IDH2: variants seen among roughly 807,000 people sequenced by gnomAD.
IDH2 encodes isocitrate dehydrogenase [NADP], mitochondrial.
Under a neutral mutation model 50.5 loss-of-function variants are expected in IDH2, and 18 were observed. The ratio of observed to expected loss-of-function variants is 0.36; its 90% CI spans 0.25 to 0.53. The LOEUF (loss-of-function observed/expected upper bound fraction) is 0.53, where lower values mean the gene tolerates loss of function less well. Among genes scored for constraint, IDH2 ranks in the 20% least tolerant of loss-of-function variants. The probability of loss-of-function intolerance (pLI) is 0.92; values close to 1 mark genes in which losing one functional copy is unlikely to be tolerated. For missense variants in IDH2, 518 were observed against 610.7 expected (o/e 0.85, Z 1.60); for synonymous variants, 280 against 239.8 (o/e 1.17, Z -1.55).
chr15:90,088,977 C>T (rs545276751), intron 3 of IDH2, among the ~76,000 whole-genome samples: 7 of 143,776 alleles, frequency 4.9e-5, no homozygotes, highest in South Asian at 2.2e-4. Flanking sequence ...TGCAATGGCG[C>T]GATCTCGGCT....
At position 90,090,656 on chromosome 15, in the gene IDH2, G is replaced by A; in HGVS notation, c.208-12C>T. On this transcript the variant is annotated splice_polypyrimidine_tract_variant and intron_variant, in intron 2 of 10. Transcript: ENST00000330062. ...TGGGGCAGGATGAGCTGGGGACAGA[G>A]GGCCAGAGCAAGGCGTCACCCCAGT... The A allele has an allele frequency of 6.2e-7, 1 of 1,614,130 alleles. No homozygotes were observed. The highest frequency in any genetic ancestry group is 1.1e-5 in the South Asian group (1 of 91,070).
In IDH2 at chr15:90,087,504, G is replaced by C; in HGVS notation, c.750C>G (p.Thr250=). 6.2e-7 allele frequency: 1 copy of C among 1,614,168 alleles called. No homozygotes were observed. The highest frequency in any genetic ancestry group is 8.5e-7 in the Non-Finnish European group (1 of 1,180,014). The change falls in exon 6 of 11, where the codon ACC becomes ACG. Residue 250 remains threonine (T), a synonymous_variant. Transcript: ENST00000330062. ...IQKKWPLYMS[T]KNTILKAYDG... The stretch of plus-strand genomic sequence containing the variant: ...CGTAGGCTTTCAGTATGGTGTTCTT[G>C]GTGCTCATGTACAGCGGCCATTTCT...
intron 1 of IDH2, among the ~76,000 whole-genome samples, chr15:90,097,066 T>C (rs1278536481): frequency 1.3e-5 from 2 of 152,144 alleles, no homozygotes; most frequent in South Asian, 2.1e-4. Flanking sequence ...CAGCAAAAGA[T>C]AGAAGCAACC....
chr15:90,087,593 G>A lies in IDH2; in HGVS notation c.679-18C>T. 1.2e-6 allele frequency: 2 copies of A among 1,612,506 alleles called. No homozygotes were observed. Among genetic ancestry groups the A allele is most frequent in the Non-Finnish European group, 1.7e-6 (2 of 1,180,000 alleles). ...GAGATGGACTGCAGGGGGAGAGACA[G>A]GGCCCTGGCGTGGTGCCCTAGCCTG... is the stretch of plus-strand genomic sequence containing the variant. On this transcript the variant is annotated intron_variant, in intron 5 of 10. Transcript: ENST00000330062.
intron 1 of IDH2, among the ~76,000 whole-genome samples, chr15:90,097,561 A>G (rs1567259198): frequency 6.6e-6 from 1 of 152,250 alleles, no homozygotes; most frequent in Non-Finnish European, 1.5e-5. Flanking sequence ...AGTGAAATAA[A>G]CCAGTCACAA....
intron 1 of IDH2, among the ~76,000 whole-genome samples, chr15:90,099,935 C>T (rs910083818): frequency 6.6e-6 from 1 of 152,184 alleles, no homozygotes; most frequent in African/African-American, 2.4e-5. Context: ...GAGTATACTA[C>T]TTTTGTCAAA....
intron 3 of IDH2, 137 bp from the exon 4 acceptor site, chr15:90,088,884 G>A (rs1280332537): frequency 1.3e-6 from 1 of 779,038 alleles, no homozygotes; most frequent in Non-Finnish European, 2.2e-6. Flanking sequence ...GAGTGCAAAT[G>A]TGTGGGCTCT....
chr15:90,086,960 A>G, intron 7 of IDH2, 152 bp downstream of exon 7: 1 of 789,480 alleles, frequency 1.3e-6, no homozygotes, highest in Non-Finnish European at 2.2e-6. Context: ...TCTCACTCAG[A>G]TGCCAGGGAG....
Position 90,088,388 on chromosome 15 carries a change from C to A in IDH2, c.649G>T (p.Val217Leu). The stretch of plus-strand genomic sequence containing the variant: ...TCGGTGTTGTACATGCCCATGCCCA[C>A]GCCGCCTGCGGGGAAGTTGTACACT... Reference protein sequence around the residue: ...WEVYNFPAGGVGMGMYNTDES... With the variant: ...WEVYNFPAGGLGMGMYNTDES... The change falls in exon 5 of 11, where the codon GTG becomes TTG. Residue 217 changes from valine (V) to leucine (L), a missense_variant. Physicochemically the swap from Val to Leu is conservative, Grantham distance 32 (BLOSUM62 1). Transcript: ENST00000330062. The A allele has an allele frequency of 6.2e-7, 1 of 1,614,106 alleles. No individual in the cohort carries two copies. Among genetic ancestry groups the A allele is most frequent in the East Asian group, 2.2e-5 (1 of 44,878 alleles).
chr15:90,094,917 C>CAA (rs1409632540), intron 1 of IDH2, among the ~76,000 whole-genome samples: 2 of 151,646 alleles, frequency 1.3e-5, no homozygotes, highest in African/African-American at 4.8e-5. Context: ...AACAAACAAA[C>CAA]AAACAAAAAA....
chr15:90,091,615 G>A lies in IDH2; in HGVS notation c.145C>T (p.Pro49Ser), dbSNP rs1164126819. ...TCATCACCATCCATCTCCACCACGGGCTTCGCCACCTTGATCCTTTTGTCG... is the reference window on the plus strand; with the variant it reads ...TCATCACCATCCATCTCCACCACGGACTTCGCCACCTTGATCCTTTTGTCG... ...YADKRIKVAK[P>S]VVEMDGDEMT... The change falls in exon 2 of 11, where the codon CCC becomes TCC. Residue 49 changes from proline to serine, a missense_variant. Physicochemically the swap from Pro to Ser is moderately conservative, Grantham distance 74. Coordinates refer to ENST00000330062, the MANE Select transcript of IDH2 (RefSeq NM_002168.4). 1 of 1,614,072 alleles carries A rather than the reference G, an allele frequency of 6.2e-7. No individual in the cohort carries two copies. Among genetic ancestry groups the A allele is most frequent in the Non-Finnish European group, 8.5e-7 (1 of 1,180,014 alleles).
chr15:90,085,269 A>ACTCAC lies in IDH2; in HGVS notation c.1080+1_1080+5dup. 1 of 1,555,476 alleles carries ACTCAC rather than the reference A, an allele frequency of 6.4e-7. No individual in the cohort carries two copies. The highest frequency in any genetic ancestry group is 8.7e-7 in the Non-Finnish European group (1 of 1,147,802). On this transcript the variant is annotated splice_donor_region_variant and intron_variant, in intron 8 of 10. Transcript: ENST00000330062. This position sits in a 1 kb window ranked among gnomAD's most constrained non-coding sequence, Gnocchi z 5.5. ...GGCATTGTGAGGCCCCATGCCCTGC[A>ACTCAC]CTCACCTTCTGGTGCTCCCGATAGT...
chr15:90,091,182 G>T (rs529804478), intron 2 of IDH2, among the ~76,000 whole-genome samples: 1 of 152,302 alleles, frequency 6.6e-6, no homozygotes, highest in African/African-American at 2.4e-5. Flanking sequence ...CACAACTGCA[G>T]GCTGGGTCAC....
intron 1 of IDH2, among the ~76,000 whole-genome samples, chr15:90,096,917 A>G (rs1200814692): frequency 6.8e-6 from 1 of 147,572 alleles, no homozygotes; most frequent in Non-Finnish European, 1.5e-5. Flanking sequence ...CTCCGTCTCG[A>G]AAAAAAAAAA....
chr15:90,091,239 T>A (rs1901027078), intron 2 of IDH2, among the ~76,000 whole-genome samples: 1 of 152,208 alleles, frequency 6.6e-6, no homozygotes, highest in South Asian at 2.1e-4. Context: ...TTTCAAGAAG[T>A]GAGGCAAAAC....
At chr15:90,090,370 C>T in intron 3 of IDH2, 109 bp downstream of exon 3, 1 of 1,235,314 alleles carries the variant, frequency 8.1e-7, no homozygotes, top group Non-Finnish European at 1.2e-6. Context: ...CTCCCAACCT[C>T]CCAGTCCCGA....
chr15:90,087,783 T>C (rs916075513), intron 5 of IDH2, among the ~76,000 whole-genome samples: 4 of 151,850 alleles, frequency 2.6e-5, no homozygotes, highest in African/African-American at 9.7e-5. Context: ...CACCGCCTTT[T>C]TTTTTTTTTT....
chr15:90,091,903 G>A lies in IDH2; in HGVS notation c.116-259C>T, dbSNP rs914082446. On this transcript the variant is annotated intron_variant, in intron 1 of 10. Transcript: ENST00000330062. The stretch of plus-strand genomic sequence containing the variant: ...GCCACAGCCTTTAGTGCAGGTCCAC[G>A]GACTGTTGGGAACTGGGCCACACAG... Among the ~76,000 whole-genome samples the A allele has an allele frequency of 6.6e-5, 10 of 152,334 alleles. No individual in the cohort carries two copies. In the East Asian group the frequency reaches 9.6e-4, roughly 15 times the overall value.
rs1567259789 is a variant in IDH2 at position 90,098,547 on chromosome 15, T to TGCATGC, written c.115+3728_115+3729insGCATGC. Among the ~76,000 whole-genome samples, 6 of 25,524 alleles carry TGCATGC rather than the reference T, an allele frequency of 2.4e-4. No individual in the cohort carries two copies. Among genetic ancestry groups the TGCATGC allele is most frequent in the Admixed American group, 1.2e-3 (2 of 1,694 alleles). 16.7% of individuals were successfully genotyped at this position (25,524 alleles called of 152,430 possible). ...GTATGCATGCATGTATGTATGTATG[T>TGCATGC]ATGTATGTATGTATTGAGACAGAGT... On this transcript the variant is annotated intron_variant, in intron 1 of 10. Transcript: ENST00000330062. The surrounding 1 kb of genome is among the most constrained non-coding windows in gnomAD (Gnocchi z 5.1).
Sources: gnomAD v4.1 joint callset for allele counts (sites outside exome capture counted in the v4.1 genomes callset) on GRCh38, gnomAD v4.1.1 for gene constraint, Gnocchi (gnomAD v3.1) non-coding constraint, MANE v1.5 for transcripts, NCBI Gene and HGNC (gene_info 2026-07-23, HGNC 2026-07-21) for gene names.